PLXND1: variants seen among roughly 807,000 people sequenced by gnomAD.
PLXND1 encodes plexin-D1.
Under a neutral mutation model 197.7 loss-of-function variants are expected in PLXND1, and 54 were observed. The observed-to-expected ratio is 0.27, with a 90% CI of 0.22 to 0.34. The LOEUF is 0.34. Ranked by LOEUF, PLXND1 falls within the 10% of genes least tolerant of loss-of-function variation. PLXND1 has a pLI of 1.00. For missense variants in PLXND1, 2,127 were observed against 2,699.2 expected, an observed-to-expected ratio of 0.79 and a Z score of 4.70; for synonymous variants, 1,180 against 1,161.2, an observed-to-expected ratio of 1.02 and a Z score of -0.33.
Position 129,567,735 on chromosome 3 carries a change from C to T in PLXND1, c.3936G>A (p.Glu1312=), listed in dbSNP as rs371845754. Residue 1312 remains glutamate (E), a synonymous_variant, in exon 21 of 36, where the codon GAG becomes GAA. Transcript: ENST00000324093. ...RYWQKTLLQM[E]EMESQIREEI... ...CCTCTCGGATCTGAGATTCCATCTC[C>T]TCCATCTGCAGCAGCGTCTTCTGCC... 1 of 1,613,158 alleles carries T rather than the reference C, an allele frequency of 6.2e-7. No homozygotes were observed. The highest frequency in any genetic ancestry group is 8.5e-7 in the Non-Finnish European group (1 of 1,179,174).
chr3:129,587,173 T>G (rs2108792710), intron 2 of PLXND1, among the ~76,000 whole-genome samples: 1 of 152,290 alleles, frequency 6.6e-6, no homozygotes, highest in South Asian at 2.1e-4. Flanking sequence ...GCCAGGCTGA[T>G]GGGGTCAGGC....
chr3:129,584,335 G>A (rs768157428), intron 6 of PLXND1, 50 bp downstream of exon 6: 1 of 1,603,128 alleles, frequency 6.2e-7, no homozygotes, highest in Non-Finnish European at 8.5e-7. Flanking sequence ...ATGCCTGACA[G>A]TCCACCGTTC....
At chr3:129,565,733 GC>G (rs2085130169) in intron 24 of PLXND1, among the ~76,000 whole-genome samples, 153 bp downstream of exon 24, 1 of 152,180 alleles carries the variant, frequency 6.6e-6, no homozygotes, top group African/African-American at 2.4e-5. Flanking sequence ...CAACCATCGT[GC>G]CCCGTGAGCC....
Position 129,572,832 on chromosome 3 carries a change from C to G in PLXND1, c.2937+10G>C, listed in dbSNP as rs376825658. The G allele has an allele frequency of 6.2e-6, 10 of 1,609,806 alleles. No individual in the cohort carries two copies. Among genetic ancestry groups the G allele is most frequent in the South Asian group, 5.5e-5 (5 of 91,072 alleles). ...GGCGGGCCGGACAGTGGGCTGCAGC[C>G]CCCCCTTACCACGTAGGAGAAGCGG... On this transcript the variant is annotated intron_variant, in intron 14 of 35. Coordinates refer to ENST00000324093, the MANE Select transcript of PLXND1 (RefSeq NM_015103.3).
chr3:129,563,546 A>T (rs1273031327), intron 25 of PLXND1, among the ~76,000 whole-genome samples: 1 of 152,200 alleles, frequency 6.6e-6, no homozygotes, highest in Non-Finnish European at 1.5e-5. Context: ...GCCCAAGATC[A>T]CCCAGCTGGG....
chr3:129,584,577 C>T lies in PLXND1; in HGVS notation c.1852-15G>A. ...AGGATCATGCCCTGGGGGCAAGGAGCCCTCAGCTCTGGGGGTCCAGGCTAT... is the reference window on the plus strand; with the variant it reads ...AGGATCATGCCCTGGGGGCAAGGAGTCCTCAGCTCTGGGGGTCCAGGCTAT... On this transcript the variant is annotated splice_polypyrimidine_tract_variant and intron_variant, in intron 5 of 35. Transcript: ENST00000324093. 6.3e-7 allele frequency: 1 copy of T among 1,591,320 alleles called. No homozygotes were observed. The highest frequency in any genetic ancestry group is 8.6e-7 in the Non-Finnish European group (1 of 1,167,374).
intron 32 of PLXND1, chr3:129,559,374 A>C (rs2085023721): frequency 2.3e-6 from 1 of 428,564 alleles, no homozygotes; most frequent in South Asian, 5.3e-5. Context: ...TAGTAAGGGC[A>C]ACACCTAGAC....
intron 1 of PLXND1, among the ~76,000 whole-genome samples, 196 bp downstream of exon 1, chr3:129,605,133 G>C (rs557137549): frequency 1.3e-5 from 2 of 152,214 alleles, no homozygotes; most frequent in Admixed American, 1.3e-4. Context: ...TGCCCACCTG[G>C]GCCATACAGG....
chr3:129,563,079 G>C lies in PLXND1; in HGVS notation c.4668+15C>G. On this transcript the variant is annotated intron_variant, in intron 26 of 35. Transcript: ENST00000324093. ...ACACAGCAGCCCTGGGACCCTCCCC[G>C]CCCTGCCGACTTACCCGGGGCTTGG... is the stretch of plus-strand genomic sequence containing the variant. 1 of 1,613,272 alleles carries C rather than the reference G, an allele frequency of 6.2e-7. No individual in the cohort carries two copies. The highest frequency in any genetic ancestry group is 1.3e-5 in the African/African-American group (1 of 75,058).
rs147342812 is a variant in PLXND1, at chr3:129,585,139, G to A, written c.1852-577C>T. ...CAGAACTGTGCTTGGCACATAGTAC[G>A]TGTTCCATAATATTTGTCCAATAAA... On this transcript the variant is annotated intron_variant, in intron 5 of 35. Transcript: ENST00000324093. Among the ~76,000 whole-genome samples the A allele has an allele frequency of 2.1e-3, 318 of 152,340 alleles. 1 individual carries two copies. Among genetic ancestry groups the A allele is most frequent in the African/African-American group, 7.3e-3 (304 of 41,566 alleles).
intron 2 of PLXND1, among the ~76,000 whole-genome samples, chr3:129,587,878 C>T (rs1206746160): frequency 2.0e-5 from 3 of 152,276 alleles, no homozygotes; most frequent in Non-Finnish European, 4.4e-5. Flanking sequence ...TTACCTTCTC[C>T]CCAGGCTTCC....
chr3:129,573,094 T>C (rs1466317076), intron 13 of PLXND1, 153 bp from the exon 14 acceptor site: 1 of 621,428 alleles, frequency 1.6e-6, no homozygotes, highest in African/African-American at 1.8e-5. Context: ...TCTGCAACTA[T>C]AAGACACGGG....
At chr3:129,580,646 C>A (rs1048425155) in intron 8 of PLXND1, among the ~76,000 whole-genome samples, 1 of 152,010 alleles carries the variant, frequency 6.6e-6, no homozygotes, top group Non-Finnish European at 1.5e-5. Flanking sequence ...CTCCCCTTAG[C>A]CACTTGTAAC....
At chr3:129,583,730 AG>A in intron 7 of PLXND1, 61 bp from the exon 8 acceptor site, 1 of 1,128,944 alleles carries the variant, frequency 8.9e-7, no homozygotes. Flanking sequence ...TCCCTGTCCC[AG>A]GAACTAGAAC....
chr3:129,559,801 G>T lies in PLXND1; in HGVS notation c.5134-18C>A. 1 of 1,573,880 alleles carries T rather than the reference G, an allele frequency of 6.4e-7. No homozygotes were observed. On this transcript the variant is annotated intron_variant, in intron 31 of 35. Coordinates refer to ENST00000324093, the MANE Select transcript of PLXND1 (RefSeq NM_015103.3). ...AACGTGCCCTGCGGGGGAGTGGGGT[G>T]GCCGCCGTCAGCCCCGGGCCACGTG...
rs34247242 is a variant in PLXND1 at position 129,594,869 on chromosome 3, T to TAAA, written c.1312-5345_1312-5343dup. ...ATTCCAAAGTAAAAAGTTTATTTTG[T>TAAA]AAAAAAAAAAAACCCCGCAAAGCAG... On this transcript the variant is annotated intron_variant, in intron 1 of 35. Coordinates refer to ENST00000324093, the MANE Select transcript of PLXND1 (RefSeq NM_015103.3). 4.8e-3 allele frequency among the ~76,000 whole-genome samples: 695 copies of TAAA among 145,640 alleles called. 7 individuals are homozygous for TAAA. The highest frequency in any genetic ancestry group is 0.014 in the African/African-American group (543 of 39,820).
In PLXND1 at chr3:129,606,232, C is replaced by T. The variant is rs772442498; in HGVS notation, c.408G>A (p.Leu136=). 1.6e-5 allele frequency: 25 copies of T among 1,576,802 alleles called. No homozygotes were observed. The highest frequency in any genetic ancestry group is 2.1e-5 in the Non-Finnish European group (25 of 1,166,304). ...KILQLDPGQG[L]VVVCGSIYQG... Reference sequence around the variant, plus strand: ...GGTAGATGGACCCGCACACGACTACCAGGCCCTGGCCGGGGTCCAGCTGCA... The same window carrying T: ...GGTAGATGGACCCGCACACGACTACTAGGCCCTGGCCGGGGTCCAGCTGCA... Residue 136 remains leucine (L), a synonymous_variant, in exon 1 of 36, where the codon CTG becomes CTA. Transcript: ENST00000324093.
intron 1 of PLXND1, among the ~76,000 whole-genome samples, chr3:129,598,881 T>C (rs1475151832): frequency 2.0e-5 from 3 of 152,160 alleles, no homozygotes; most frequent in Admixed American, 2.0e-4. Context: ...TCCCCTTCCA[T>C]AGACTGGGGA....
At position 129,571,533 on chromosome 3, in the gene PLXND1, G is replaced by T; in HGVS notation, c.3312C>A (p.Val1104=). 1 of 1,613,648 alleles carries T rather than the reference G, an allele frequency of 6.2e-7. No individual in the cohort carries two copies. The highest frequency in any genetic ancestry group is 1.1e-5 in the South Asian group (1 of 91,084). The change falls in exon 17 of 36, where the codon GTC becomes GTA. Residue 1104 remains valine, a synonymous_variant. Transcript: ENST00000324093. Reference sequence around the variant, plus strand: ...CCGTGGGCTCCCGGCCAATGTGGTGGACGGCCATGGACACATTCTGCACCA... The same window carrying T: ...CCGTGGGCTCCCGGCCAATGTGGTGTACGGCCATGGACACATTCTGCACCA... The part of the protein sequence containing the change: ...FHMVQNVSMA[V]HHIGREPTLC...
Sources: allele counts gnomAD v4.1 joint callset (sites outside exome capture counted in the v4.1 genomes callset), GRCh38; gene constraint gnomAD v4.1.1; transcripts MANE v1.5; gene names NCBI Gene and HGNC (gene_info 2026-07-23, HGNC 2026-07-21).